Variants in ESYT3 observed in about 807,000 individuals in gnomAD.
ESYT3 encodes extended synaptotagmin 3.
ESYT3 carries 101 observed loss-of-function variants against 111.5 expected under a neutral mutation model. The ratio of observed to expected loss-of-function variants is 0.91; its 90% CI spans 0.77 to 1.07. The LOEUF (loss-of-function observed/expected upper bound fraction) is 1.07. ESYT3 is among the 50% of genes least tolerant of loss of function. The pLI is 0.00. For synonymous variants in ESYT3, 416 were observed against 446.8 expected (o/e 0.93, Z 0.87); for missense variants, 1,097 against 1,109.4 (o/e 0.99, Z 0.16).
intron 6 of ESYT3, among the ~76,000 whole-genome samples, 164 bp downstream of exon 6, chr3:138,460,198 T>G (rs1298783966): frequency 6.6e-6 from 1 of 152,012 alleles, no homozygotes; most frequent in Non-Finnish European, 1.5e-5. Context: ...ACAGCTCGAG[T>G]TAGACTCTGC....
At chr3:138,480,133 ATAG>A (rs1436569824), downstream of ESYT3, 1 of 152,220 alleles carries the variant, frequency 6.6e-6, no homozygotes, top group African/African-American at 2.4e-5. Context: ...AAGCAAAGAC[ATAG>A]TAGACAATAC....
chr3:138,446,324 G>C (rs940388805), intron 1 of ESYT3, among the ~76,000 whole-genome samples: 7 of 152,194 alleles, frequency 4.6e-5, no homozygotes, highest in African/African-American at 1.4e-4. Context: ...ACCCAGGCTT[G>C]GGTCTCCGTT....
At chr3:138,459,301 G>T (rs1378281121) in intron 5 of ESYT3, 48 bp downstream of exon 5, 3 of 1,465,214 alleles carry the variant, frequency 2.0e-6, no homozygotes, top group Admixed American at 2.1e-5. Context: ...CCCAGGGTGG[G>T]GATCAGGGAA....
rs181864431 is a variant in ESYT3, at chr3:138,470,924, C to T, written c.1638C>T (p.Pro546=). The T allele has an allele frequency of 3.7e-6, 6 of 1,614,146 alleles. No homozygotes were observed. The Admixed American group carries it at 5.0e-5, about 13-fold the overall frequency. The change falls in exon 17 of 23, where the codon CCC becomes CCT. Residue 546 remains proline (P), a synonymous_variant. Coordinates refer to ENST00000389567, the MANE Select transcript of ESYT3 (RefSeq NM_031913.5). ...QECALGMLEV[P]LCQILPYADL... is the part of the protein sequence containing the mutation. ...GTGCTCTGGGAATGCTGGAGGTCCC[C>T]CTGTGCCAGATCCTCCCCTATGCTG... is the stretch of plus-strand genomic sequence containing the variant.
rs1576469338 is a variant in ESYT3, at chr3:138,473,566, T to C, written c.2268T>C (p.Gly756=). ...EGGDLRRRQL[G]EIQLTVRYVC... is the part of the protein sequence containing the mutation. The stretch of plus-strand genomic sequence containing the variant: ...GGGACCTCAGGCGACGGCAGCTGGG[T>C]GAGATTCAGCTCACAGTGCGCTATG... The change falls in exon 19 of 23, where the codon GGT becomes GGC. Residue 756 remains glycine, a synonymous_variant. Coordinates refer to ENST00000389567, the MANE Select transcript of ESYT3 (RefSeq NM_031913.5). 1 of 1,613,578 alleles carries C rather than the reference T, an allele frequency of 6.2e-7. No homozygotes were observed. Among genetic ancestry groups the C allele is most frequent in the South Asian group, 1.1e-5 (1 of 91,064 alleles).
chr3:138,450,668 C>T (rs1295257265), intron 1 of ESYT3, among the ~76,000 whole-genome samples: 1 of 152,176 alleles, frequency 6.6e-6, no homozygotes, highest in Non-Finnish European at 1.5e-5. Context: ...AAAACTGTTC[C>T]GGGAGAACTG....
intron 19 of ESYT3, 56 bp downstream of exon 19, chr3:138,473,690 C>T: frequency 6.9e-7 from 1 of 1,440,356 alleles, no homozygotes; most frequent in Non-Finnish European, 9.7e-7. Flanking sequence ...GACCATAAAT[C>T]AGAGTAGGGA....
Position 138,468,091 on chromosome 3 carries a change from C to T in ESYT3, c.1219-14C>T, listed in dbSNP as rs749037418. The T allele has an allele frequency of 1.2e-6, 2 of 1,613,636 alleles. No homozygotes were observed. Among genetic ancestry groups the T allele is most frequent in the East Asian group, 4.5e-5 (2 of 44,876 alleles). On this transcript the variant is annotated splice_polypyrimidine_tract_variant and intron_variant, in intron 11 of 22. Transcript: ENST00000389567. ...CTGGCCCTTTTCCCTGAGCTTTCTG[C>T]CCCTACCCCACAGTGGTTTGTCCTG...
chr3:138,437,307 C>A (rs751279326), intron 1 of ESYT3, among the ~76,000 whole-genome samples: 1 of 152,148 alleles, frequency 6.6e-6, no homozygotes, highest in Admixed American at 6.5e-5. Flanking sequence ...ATATTGTCCC[C>A]GAATCACAGC....
chr3:138,460,964 G>A (rs528109355), intron 7 of ESYT3, among the ~76,000 whole-genome samples: 66 of 152,334 alleles, frequency 4.3e-4, no homozygotes, highest in African/African-American at 1.5e-3. Context: ...CCGTCCTGGT[G>A]CAGGGGGAGA....
In ESYT3 at chr3:138,457,645, G is replaced by C. The variant is rs1481170992; in HGVS notation, c.581+1G>C. The C allele has an allele frequency of 6.2e-7, 1 of 1,614,018 alleles. No homozygotes were observed. Among genetic ancestry groups the C allele is most frequent in the East Asian group, 2.2e-5 (1 of 44,884 alleles). Reference sequence around the variant, plus strand: ...GTGTGACTGTGGACCTGCAGATCTGGTGAGCTCTATCGGGCTGGGTATGGG... The same window carrying C: ...GTGTGACTGTGGACCTGCAGATCTGCTGAGCTCTATCGGGCTGGGTATGGG... On this transcript the variant is annotated splice_donor_variant, in intron 4 of 22. Transcript: ENST00000389567. LOFTEE classifies it high-confidence loss of function.
In ESYT3 at chr3:138,435,667, C is replaced by T. The variant is rs141918528; in HGVS notation, c.327+542C>T. Among the ~76,000 whole-genome samples the T allele has an allele frequency of 6.6e-5, 10 of 151,584 alleles. No individual in the cohort carries two copies. The highest frequency in any genetic ancestry group is 1.2e-4 in the Non-Finnish European group (8 of 67,706). ...GGCTGGGAGACCGACGGCGCCGGGCCCCGGGCCTCCTTCCCTCCCTCCCTC... is the reference window on the plus strand; with the variant it reads ...GGCTGGGAGACCGACGGCGCCGGGCTCCGGGCCTCCTTCCCTCCCTCCCTC... On this transcript the variant is annotated intron_variant, in intron 1 of 22. Coordinates refer to ENST00000389567, the MANE Select transcript of ESYT3 (RefSeq NM_031913.5). This position sits in a 1 kb window ranked among gnomAD's most constrained non-coding sequence, Gnocchi z 4.8.
intron 1 of ESYT3, among the ~76,000 whole-genome samples, chr3:138,446,802 G>A (rs190175409): frequency 6.6e-6 from 1 of 152,308 alleles, no homozygotes; most frequent in African/African-American, 2.4e-5. Context: ...AAGGCAGGCG[G>A]ATAGCTTGAG....
At position 138,434,927 on chromosome 3, in the gene ESYT3, G is replaced by A. The variant is rs147081269; in HGVS notation, c.129G>A (p.Leu43=). ...TCTGTACCTTCGTGGTGCGCGTGCT[G>A]TTCTACCTGGGGCCTGTCTACCTAG... The part of the protein sequence containing the change: ...PELCTFVVRV[L]FYLGPVYLAG... Residue 43 remains leucine, a synonymous_variant, in exon 1 of 23, where the codon CTG becomes CTA. Coordinates refer to ENST00000389567, the MANE Select transcript of ESYT3 (RefSeq NM_031913.5). 2.9e-4 allele frequency: 454 copies of A among 1,552,148 alleles called. No individual in the cohort carries two copies. The African/African-American group carries it at 5.6e-3, about 19-fold the overall frequency.
intron 1 of ESYT3, among the ~76,000 whole-genome samples, chr3:138,441,099 GT>G (rs1194293628): frequency 6.6e-6 from 1 of 152,258 alleles, no homozygotes; most frequent in Admixed American, 6.5e-5. Context: ...AAGAGGCACT[GT>G]GGTATTGCTG....
chr3:138,464,940 A>G (rs1443466329), intron 9 of ESYT3, among the ~76,000 whole-genome samples: 2 of 152,106 alleles, frequency 1.3e-5, no homozygotes, highest in African/African-American at 4.8e-5. Flanking sequence ...ACCCCTCTCA[A>G]CTTCTCCTCT....
rs755018692 is a variant in ESYT3 at position 138,472,588 on chromosome 3, G to A, written c.1966G>A (p.Glu656Lys). 1.2e-6 allele frequency: 2 copies of A among 1,614,198 alleles called. No individual in the cohort carries two copies. Among genetic ancestry groups the A allele is most frequent in the Non-Finnish European group, 1.7e-6 (2 of 1,180,046 alleles). The change falls in exon 18 of 23, where the codon GAG (glutamate) becomes AAG (lysine). Residue 656 changes from glutamate (E) to lysine (K), a missense_variant. By Grantham distance (56) the Glu-to-Lys change is moderately conservative (BLOSUM62 1). Coordinates refer to ENST00000389567, the MANE Select transcript of ESYT3 (RefSeq NM_031913.5). The part of the protein sequence containing the change: ...TTTSATTVAT[E>K]PTSQETGPEP... ...CACCAGTGCTACCACCGTTGCCACTGAGCCCACATCCCAAGAGACAGGCCC... is the reference window on the plus strand; with the variant it reads ...CACCAGTGCTACCACCGTTGCCACTAAGCCCACATCCCAAGAGACAGGCCC...
chr3:138,468,335 C>A, intron 12 of ESYT3, 141 bp downstream of exon 12: 1 of 756,898 alleles, frequency 1.3e-6, no homozygotes, highest in South Asian at 1.7e-5. Context: ...CCCGTCTCCA[C>A]ACAGGGCAGC....
At chr3:138,455,121 T>G in intron 2 of ESYT3, 73 bp from the exon 3 acceptor site, 1 of 1,572,948 alleles carries the variant, frequency 6.4e-7, no homozygotes. Flanking sequence ...AATCAGGACC[T>G]TGTCCCATGC....
Sources: allele counts gnomAD v4.1 joint callset (sites outside exome capture counted in the v4.1 genomes callset), GRCh38; gene constraint gnomAD v4.1.1; non-coding constraint Gnocchi (gnomAD v3.1); transcripts MANE v1.5; gene names NCBI Gene and HGNC (gene_info 2026-07-23, HGNC 2026-07-21).